SMARCA4: variants seen among roughly 807,000 people sequenced by gnomAD.
The protein encoded by SMARCA4 is SWI/SNF related BAF chromatin remodeling complex subunit ATPase 4.
Under a neutral mutation model 193.9 loss-of-function variants are expected in SMARCA4, and 31 were observed. That is an observed-to-expected ratio of 0.16 (90% CI 0.12 to 0.22). SMARCA4 has a LOEUF of 0.22. Ranked by LOEUF, SMARCA4 falls within the 10% of genes least tolerant of loss-of-function variation. The pLI is 1.00. For synonymous variants in SMARCA4, 942 were observed against 933.1 expected (o/e 1.01, Z -0.17); for missense variants, 1,148 against 2,296.0 (o/e 0.50, Z 10.22).
chr19:11,011,917 G>A (rs1358094783), intron 15 of SMARCA4: 1 of 152,208 alleles, frequency 6.6e-6, no homozygotes, highest in African/African-American at 2.4e-5. Flanking sequence ...AATGGAGCAG[G>A]TCAAAACTGA....
intron 30 of SMARCA4, among the ~76,000 whole-genome samples, chr19:11,053,338 G>C (rs1394245724): frequency 2.0e-5 from 3 of 151,862 alleles, no homozygotes; most frequent in Admixed American, 2.0e-4. Context: ...ACGTAAGTTA[G>C]CCGGGCATGG....
At chr19:11,035,641 G>A (rs942020893) in intron 29 of SMARCA4, among the ~76,000 whole-genome samples, 29 of 152,246 alleles carry the variant, frequency 1.9e-4, no homozygotes, top group African/African-American at 6.3e-4. Flanking sequence ...GAACCTGGCA[G>A]GTGCTGCACG....
At position 11,019,751 on chromosome 19, in the gene SMARCA4, G is replaced by A. The variant is rs1371880848; in HGVS notation, c.2616+50G>A. ...CAGGCCATGGGCCGAGTGCTCACAC[G>A]TGGGTCACGCTGCCCGTCTCCTCCA... On this transcript the variant is annotated intron_variant, in intron 18 of 34. Coordinates refer to ENST00000344626, the MANE Select transcript of SMARCA4 (RefSeq NM_003072.5). This position sits in a 1 kb window ranked among gnomAD's most constrained non-coding sequence, Gnocchi z 6.1. The A allele has an allele frequency of 3.8e-6, 5 of 1,309,430 alleles. No individual in the cohort carries two copies. Among genetic ancestry groups the A allele is most frequent in the South Asian group, 2.4e-5 (2 of 82,722 alleles). 81.1% of individuals were successfully genotyped at this position (1,309,430 alleles called of 1,614,324 possible).
At chr19:11,012,907 A>G (rs1600208139) in intron 15 of SMARCA4, 42 bp from the exon 16 acceptor site, 1 of 1,608,630 alleles carries the variant, frequency 6.2e-7, no homozygotes, top group African/African-American at 1.3e-5. Context: ...CTGGTGTCCG[A>G]CCCGGCCTTC....
chr19:10,962,897 A>G (rs2083919042), intron 1 of SMARCA4, among the ~76,000 whole-genome samples: 1 of 152,100 alleles, frequency 6.6e-6, no homozygotes, highest in African/African-American at 2.4e-5. Context: ...CCTCAGCTAC[A>G]TTCATACATC....
chr19:10,988,261 T>C (rs1397265184), intron 6 of SMARCA4, among the ~76,000 whole-genome samples: 4 of 152,060 alleles, frequency 2.6e-5, no homozygotes, highest in Admixed American at 2.6e-4. Context: ...GCTGGGATTA[T>C]AGGCATGCGC....
intron 1 of SMARCA4, chr19:10,983,727 C>A (rs1164881546): frequency 1.3e-5 from 3 of 225,856 alleles, no homozygotes; most frequent in African/African-American, 2.2e-5. Context: ...AGCCACTGCA[C>A]CCGGCCAGTC....
At chr19:11,047,960 T>G (rs2076042802) in intron 30 of SMARCA4, among the ~76,000 whole-genome samples, 1 of 151,576 alleles carries the variant, frequency 6.6e-6, no homozygotes, top group South Asian at 2.1e-4. Context: ...CATTCTTTTT[T>G]ATTATTATTA....
At position 11,007,911 on chromosome 19, in the gene SMARCA4, G is replaced by A. The variant is rs2146190145; in HGVS notation, c.2011G>A (p.Glu671Lys). 4.3e-6 allele frequency: 7 copies of A among 1,613,644 alleles called. No individual in the cohort carries two copies. The highest frequency in any genetic ancestry group is 5.9e-6 in the Non-Finnish European group (7 of 1,179,780). Reference protein sequence around the residue: ...GSEEEEEEEEEEQPQAAQPPT... With the variant: ...GSEEEEEEEEKEQPQAAQPPT... Reference sequence around the variant, plus strand: ...GCTTGTCTCTTGGTAGGAGGAGGAGGAAGAGCAGCCGCAGGCAGCACAGCC... The same window carrying A: ...GCTTGTCTCTTGGTAGGAGGAGGAGAAAGAGCAGCCGCAGGCAGCACAGCC... Residue 671 changes from glutamate to lysine, a missense_variant, in exon 14 of 35, where the codon GAA (glutamate) becomes AAA (lysine). Transcript: ENST00000344626.
rs2086115964 is a variant in SMARCA4 at position 10,987,039 on chromosome 19, C to G, written c.859+36C>G. 6.9e-7 allele frequency: 1 copy of G among 1,459,734 alleles called. No individual in the cohort carries two copies. Among genetic ancestry groups the G allele is most frequent in the Non-Finnish European group, 9.5e-7 (1 of 1,052,746 alleles). The allele number at this position is 1,459,734 out of a possible 1,614,324, so 90.4% of individuals were successfully genotyped here. A position where few individuals can be genotyped will look rare whatever the true frequency, so the allele number is the denominator to read the frequency against. ...TCTTCTATGGTGGTGCACCCGTGCC[C>G]TTACTCCCCATCTCAAGCTTGGGTC... is the stretch of plus-strand genomic sequence containing the variant. On this transcript the variant is annotated intron_variant, in intron 5 of 34. Coordinates refer to ENST00000344626, the MANE Select transcript of SMARCA4 (RefSeq NM_003072.5). The surrounding 1 kb of genome is among the most constrained non-coding windows in gnomAD (Gnocchi z 5.3).
intron 29 of SMARCA4, among the ~76,000 whole-genome samples, chr19:11,039,059 TAAAAA>T (rs370936227): frequency 6.8e-6 from 1 of 146,180 alleles, no homozygotes; most frequent in Non-Finnish European, 1.5e-5. Context: ...TTGTCTCTAT[TAAAAA>T]AAAAAATGCC....
At chr19:11,039,586 G>A (rs777506699) in intron 29 of SMARCA4, 1 of 1,371,544 alleles carries the variant, frequency 7.3e-7, no homozygotes. Context: ...GTGGCGCTGA[G>A]GGCTGCACAA....
intron 1 of SMARCA4, among the ~76,000 whole-genome samples, chr19:10,964,458 G>C (rs1369980835): frequency 1.3e-5 from 2 of 151,668 alleles, no homozygotes; most frequent in African/African-American, 2.4e-5. Context: ...TCACAGGTGT[G>C]CACCACCACA....
chr19:11,013,601 C>T (rs1836964003), intron 16 of SMARCA4, among the ~76,000 whole-genome samples: 2 of 152,084 alleles, frequency 1.3e-5, no homozygotes, highest in African/African-American at 4.8e-5. Flanking sequence ...TCCCCTCCAC[C>T]CCTGGGGAGG....
intron 9 of SMARCA4, 145 bp downstream of exon 9, chr19:10,995,146 T>C (rs1165136022): frequency 2.1e-5 from 16 of 758,794 alleles, no homozygotes; most frequent in Non-Finnish European, 3.5e-5. Flanking sequence ...GGCGCGGGCT[T>C]GGGAGTCAGT....
At chr19:10,994,778 G>A (rs2145934394) in intron 8 of SMARCA4, 50 bp from the exon 9 acceptor site, 2 of 1,539,960 alleles carry the variant, frequency 1.3e-6, no homozygotes, top group Non-Finnish European at 1.8e-6. Context: ...GGGGAGATGT[G>A]TCCACCATGC....
In SMARCA4 at chr19:11,058,538, T is replaced by C. The variant is rs2076676549; in HGVS notation, c.4533+175T>C. ...GGGCTTTTGGGGTTCCTTGTAAGGG[T>C]TGGGGGTGTCCTGAGGGATGTCAGT... On this transcript the variant is annotated intron_variant, in intron 31 of 34. Transcript: ENST00000344626. The surrounding 1 kb of genome is among the most constrained non-coding windows in gnomAD (Gnocchi z 5.8). Among the ~76,000 whole-genome samples the C allele has an allele frequency of 6.6e-6, 1 of 151,666 alleles. No individual in the cohort carries two copies. The highest frequency in any genetic ancestry group is 6.6e-5 in the Admixed American group (1 of 15,228).
intron 1 of SMARCA4, among the ~76,000 whole-genome samples, chr19:10,968,166 T>G (rs1331037164): frequency 6.6e-6 from 1 of 152,196 alleles, no homozygotes; most frequent in African/African-American, 2.4e-5. Flanking sequence ...TTTTGTATTT[T>G]TAGTAGAGAC....
intron 13 of SMARCA4, among the ~76,000 whole-genome samples, chr19:11,006,453 G>A (rs988468782): frequency 6.6e-6 from 1 of 152,152 alleles, no homozygotes; most frequent in African/African-American, 2.4e-5. Flanking sequence ...TTGAAAGTTG[G>A]TTCTAAGATA....
Sources: gnomAD v4.1 joint callset for allele counts (sites outside exome capture counted in the v4.1 genomes callset) on GRCh38, gnomAD v4.1.1 for gene constraint, Gnocchi (gnomAD v3.1) non-coding constraint, MANE v1.5 for transcripts, NCBI Gene and HGNC (gene_info 2026-07-23, HGNC 2026-07-21) for gene names.